RERE: variants seen among roughly 807,000 people sequenced by gnomAD.
RERE encodes the protein arginine-glutamic acid dipeptide repeats protein.
RERE carries 40 observed loss-of-function variants against 146.1 expected under a neutral mutation model. The observed-to-expected ratio is 0.27, with a 90% CI of 0.21 to 0.36. The LOEUF is 0.36. RERE is among the 10% of genes least tolerant of loss of function. The pLI is 1.00. For synonymous variants in RERE, 1,003 were observed against 866.0 expected, an observed-to-expected ratio of 1.16 and a Z score of -2.78; for missense variants, 1,933 against 2,138.7, an observed-to-expected ratio of 0.90 and a Z score of 1.90.
At chr1:8,425,695 G>A (rs1644002318) in intron 11 of RERE, 2 of 152,282 alleles carry the variant, frequency 1.3e-5, no homozygotes, top group Admixed American at 6.5e-5. Flanking sequence ...AACAGGTCCA[G>A]TAAAAGAGGC....
At position 8,724,359 on chromosome 1, in the gene RERE, C is replaced by G. The variant is rs368282990; in HGVS notation, c.-144-67918G>C. Reference sequence around the variant, plus strand: ...CTGTATATTTCAAGATACAGAGAGACTCTGCCGATTTACATTCAAATAAAA... The same window carrying G: ...CTGTATATTTCAAGATACAGAGAGAGTCTGCCGATTTACATTCAAATAAAA... On this transcript the variant is annotated intron_variant, in intron 1 of 22. Coordinates refer to ENST00000400908, the MANE Select transcript of RERE (RefSeq NM_001042681.2). 8.5e-5 allele frequency among the ~76,000 whole-genome samples: 13 copies of G among 152,274 alleles called. No individual in the cohort carries two copies. The East Asian group carries it at 2.5e-3, about 29-fold the overall frequency.
chr1:8,446,922 G>A lies in RERE; in HGVS notation c.1203+19003C>T, dbSNP rs1407347812. Among the ~76,000 whole-genome samples, 6 of 151,654 alleles carry A rather than the reference G, an allele frequency of 4.0e-5. No individual in the cohort carries two copies. The East Asian group carries it at 5.8e-4, about 15-fold the overall frequency. On this transcript the variant is annotated intron_variant, in intron 11 of 22. Coordinates refer to ENST00000400908, the MANE Select transcript of RERE (RefSeq NM_001042681.2). ...TCTCAATCTCCTGACCTCGTGATCCGCCCGCCTCGGCCTCCCAAAGTGCTG... is the reference window on the plus strand; with the variant it reads ...TCTCAATCTCCTGACCTCGTGATCCACCCGCCTCGGCCTCCCAAAGTGCTG...
At chr1:8,794,418 T>C (rs1461762700) in intron 1 of RERE, among the ~76,000 whole-genome samples, 1 of 149,890 alleles carries the variant, frequency 6.7e-6, no homozygotes, top group Non-Finnish European at 1.5e-5. Context: ...AAGCTAACTC[T>C]GGCTCTCTCT....
intron 12 of RERE, among the ~76,000 whole-genome samples, chr1:8,385,830 G>A (rs1458431790): frequency 3.3e-5 from 5 of 149,480 alleles, no homozygotes; most frequent in African/African-American, 7.4e-5. Flanking sequence ...TTAGCTGGAC[G>A]TGGTGGCGGG....
At position 8,360,485 on chromosome 1, in the gene RERE, T is replaced by C; in HGVS notation, c.3022A>G (p.Thr1008Ala). 8.6e-7 allele frequency: 1 copy of C among 1,166,080 alleles called. No individual in the cohort carries two copies. The highest frequency in any genetic ancestry group is 1.1e-6 in the Non-Finnish European group (1 of 900,974). The allele number at this position is 1,166,080 out of a possible 1,614,324, so 72.2% of individuals were successfully genotyped here. ...PSSPAQPPGL[T>A]QSQNLPPPPA... ...GGCGGGGGCAGGTTCTGGCTCTGGG[T>C]CAGCCCGGGGGGCTGGGCGGGCGAG... Residue 1008 changes from threonine to alanine, a missense_variant, in exon 18 of 23, where the codon ACC (threonine) becomes GCC (alanine). Physicochemically the swap from Thr to Ala is moderately conservative, Grantham distance 58 (BLOSUM62 0). Around this residue, in one of 11 missense-constraint regions of RERE, gnomAD observed 1,255 missense variants for 1,153.8 expected, o/e 1.09. Transcript: ENST00000400908.
intron 12 of RERE, among the ~76,000 whole-genome samples, chr1:8,417,987 C>T (rs1348515860): frequency 6.6e-6 from 1 of 152,146 alleles, no homozygotes; most frequent in Non-Finnish European, 1.5e-5. Context: ...CAAACACCGC[C>T]CCTCCAATTA....
intron 2 of RERE, among the ~76,000 whole-genome samples, chr1:8,649,747 T>C (rs868112623): frequency 6.9e-6 from 1 of 144,574 alleles, no homozygotes; most frequent in Non-Finnish European, 1.5e-5. Flanking sequence ...AAAAAAAAAA[T>C]GTATATATAT....
At chr1:8,673,509 C>A (rs999668784) in intron 1 of RERE, among the ~76,000 whole-genome samples, 9 of 152,166 alleles carry the variant, frequency 5.9e-5, no homozygotes, top group Non-Finnish European at 1.2e-4. Flanking sequence ...AAAATTCATA[C>A]CCCCTGACAA....
At chr1:8,760,211 G>A (rs180959005) in intron 1 of RERE, among the ~76,000 whole-genome samples, 1 of 152,180 alleles carries the variant, frequency 6.6e-6, no homozygotes, top group Non-Finnish European at 1.5e-5. Flanking sequence ...ATTTTCAGTA[G>A]AGACGGGGTT....
At chr1:8,442,552 C>A (rs1453937537) in intron 11 of RERE, among the ~76,000 whole-genome samples, 1 of 152,182 alleles carries the variant, frequency 6.6e-6, no homozygotes. Context: ...GTACAGCCTG[C>A]AGAATTGTGG....
chr1:8,658,468 C>T (rs146109362), intron 1 of RERE, among the ~76,000 whole-genome samples: 4,154 of 152,244 alleles, frequency 0.027, 77 homozygotes, highest in Non-Finnish European at 0.041. Context: ...AGAAAATTCT[C>T]TTTGGTCAGC....
At chr1:8,380,955 C>T (rs753692084) in intron 12 of RERE, 7 of 456,580 alleles carry the variant, frequency 1.5e-5, no homozygotes, top group Non-Finnish European at 2.6e-5. Context: ...GAGTCCTTCC[C>T]TGGGTAAAAG....
intron 2 of RERE, among the ~76,000 whole-genome samples, chr1:8,646,235 T>G (rs1647300376): frequency 6.6e-6 from 1 of 152,120 alleles, no homozygotes; most frequent in Admixed American, 6.5e-5. Context: ...GTGACCTTAT[T>G]AAAGAACAGG....
chr1:8,442,766 G>C (rs1295391203), intron 11 of RERE, among the ~76,000 whole-genome samples: 1 of 152,168 alleles, frequency 6.6e-6, no homozygotes, highest in Admixed American at 6.5e-5. Context: ...AGGAAGATGA[G>C]GGAAAGTTTG....
chr1:8,558,782 C>CT (rs371880016), intron 4 of RERE, among the ~76,000 whole-genome samples: 126 of 143,992 alleles, frequency 8.8e-4, no homozygotes, highest in South Asian at 1.6e-3. Context: ...TGTGTTATTT[C>CT]TTTTTTTTTT....
At chr1:8,382,407 C>A (rs1358428850) in intron 12 of RERE, among the ~76,000 whole-genome samples, 2 of 152,278 alleles carry the variant, frequency 1.3e-5, no homozygotes, top group Non-Finnish European at 2.9e-5. Context: ...TAACGAAACT[C>A]AATTCGCAGC....
chr1:8,670,437 A>G (rs559425894), intron 1 of RERE, among the ~76,000 whole-genome samples: 1 of 152,332 alleles, frequency 6.6e-6, no homozygotes, highest in South Asian at 2.1e-4. Context: ...CTAACCTCAG[A>G]GAGATTACAA....
At chr1:8,601,436 C>T (rs1243844234) in intron 4 of RERE, among the ~76,000 whole-genome samples, 1 of 152,118 alleles carries the variant, frequency 6.6e-6, no homozygotes, top group Non-Finnish European at 1.5e-5. Context: ...ATTAGTACCC[C>T]CTTCCAGGGA....
intron 12 of RERE, among the ~76,000 whole-genome samples, chr1:8,397,778 C>T (rs1643105527): frequency 6.6e-6 from 1 of 152,184 alleles, no homozygotes; most frequent in Non-Finnish European, 1.5e-5. Context: ...TACTGGGCAC[C>T]ATCCCCCAAG....
Sources: allele counts gnomAD v4.1 joint callset (sites outside exome capture counted in the v4.1 genomes callset), GRCh38; gene constraint gnomAD v4.1.1; regional missense constraint gnomAD v4.1.1; transcripts MANE v1.5; gene names NCBI Gene and HGNC (gene_info 2026-07-23, HGNC 2026-07-21).